The following COQ3 variants were observed in gnomAD, a reference collection of about 807,000 sequenced individuals.
COQ3 encodes the protein ubiquinone biosynthesis O-methyltransferase, mitochondrial.
Under a neutral mutation model 33.1 loss-of-function variants are expected in COQ3, and 29 were observed. The observed-to-expected ratio is 0.88, with a 90% confidence interval of 0.65 to 1.19. COQ3 has a LOEUF of 1.19. COQ3 is among the 50% of genes most tolerant of loss of function. The pLI, the probability that COQ3 is intolerant of heterozygous loss-of-function variation, is 0.00. For synonymous variants in COQ3, 173 were observed against 157.8 expected, an observed-to-expected ratio of 1.10 and a Z score of -0.72; for missense variants, 437 against 430.7, an observed-to-expected ratio of 1.01 and a Z score of -0.13.
chr6:99,385,678 G>C (rs1220392212), intron 1 of COQ3, among the ~76,000 whole-genome samples: 1 of 152,020 alleles, frequency 6.6e-6, no homozygotes. Flanking sequence ...TATTGAAAAG[G>C]AAGAAAGGGC....
chr6:99,390,395 G>A (rs192826342), intron 1 of COQ3, among the ~76,000 whole-genome samples: 13 of 148,104 alleles, frequency 8.8e-5, no homozygotes, highest in South Asian at 2.1e-4. Flanking sequence ...GTGCAGTGGC[G>A]AGATCTCAGC....
chr6:99,377,651 T>G (rs1774335998), intron 3 of COQ3, among the ~76,000 whole-genome samples, 166 bp from the exon 4 acceptor site: 1 of 152,202 alleles, frequency 6.6e-6, no homozygotes, highest in African/African-American at 2.4e-5. Context: ...TAAAACATTT[T>G]CAATAATCAA....
intron 1 of COQ3, among the ~76,000 whole-genome samples, chr6:99,388,105 G>C (rs112582377): frequency 6.6e-6 from 1 of 151,600 alleles, no homozygotes; most frequent in Admixed American, 6.6e-5. Context: ...CGGAGGTTGC[G>C]GTGAGCAGAG....
intron 2 of COQ3, among the ~76,000 whole-genome samples, chr6:99,382,130 T>C (rs1421643751): frequency 6.6e-6 from 1 of 152,174 alleles, no homozygotes; most frequent in Non-Finnish European, 1.5e-5. Flanking sequence ...ATTTTATTCT[T>C]AGTGACTAGT....
Position 99,375,803 on chromosome 6 carries a change from C to A in COQ3, c.729+137G>T. 3.6e-6 allele frequency: 3 copies of A among 831,660 alleles called. No individual in the cohort carries two copies. The South Asian group carries it at 5.2e-5, about 14-fold the overall frequency. 51.5% of individuals were successfully genotyped at this position (831,660 alleles called of 1,614,324 possible). A position where few individuals can be genotyped will look rare whatever the true frequency, so the allele number is the denominator to read the frequency against. On this transcript the variant is annotated intron_variant, in intron 5 of 6. Transcript: ENST00000254759. ...ATCTACAGCAGAGATGCTGTCCCCT[C>A]ATCCAGGCTTCCTGGTTTCTTCTCT...
At chr6:99,387,574 T>C (rs1774687063) in intron 1 of COQ3, among the ~76,000 whole-genome samples, 1 of 152,168 alleles carries the variant, frequency 6.6e-6, no homozygotes, top group African/African-American at 2.4e-5. Flanking sequence ...TTTGGCAAAC[T>C]AAGAATGAAA....
At chr6:99,393,938 C>G (rs1774899901) in intron 1 of COQ3, 136 bp downstream of exon 1, 1 of 693,722 alleles carries the variant, frequency 1.4e-6, no homozygotes, top group African/African-American at 1.8e-5. Context: ...GAGATGGGGC[C>G]AGGACCAAGC....
chr6:99,389,572 A>G (rs1015449503), intron 1 of COQ3, among the ~76,000 whole-genome samples: 6 of 152,122 alleles, frequency 3.9e-5, no homozygotes, highest in African/African-American at 1.2e-4. Context: ...TAAACAACCA[A>G]TCCTACTAGA....
chr6:99,386,188 G>A (rs746032801), intron 1 of COQ3, among the ~76,000 whole-genome samples: 3 of 151,942 alleles, frequency 2.0e-5, no homozygotes, highest in Admixed American at 6.6e-5. Context: ...CCAGAGCTTC[G>A]GGAGGCCAAG....
chr6:99,383,827 GAA>G lies in COQ3; in HGVS notation c.107-5_107-4del. Reference sequence around the variant, plus strand: ...ACTGAGCTGGTTCTTCACATAAACTGAAAAAAAAAATTAAATATCTAGAGAAA... The same window carrying G: ...ACTGAGCTGGTTCTTCACATAAACTGAAAAAAAATTAAATATCTAGAGAAA... On this transcript the variant is annotated splice_region_variant and splice_polypyrimidine_tract_variant and intron_variant, in intron 1 of 6. Transcript: ENST00000254759. 5 of 1,488,768 alleles carry G rather than the reference GAA, an allele frequency of 3.4e-6. No individual in the cohort carries two copies. The highest frequency in any genetic ancestry group is 4.5e-6 in the Non-Finnish European group (5 of 1,109,042). The allele number at this position is 1,488,768 out of a possible 1,614,324, so 92.2% of individuals were successfully genotyped here.
intron 5 of COQ3, among the ~76,000 whole-genome samples, chr6:99,373,897 C>G (rs1011738446): frequency 6.6e-6 from 1 of 152,062 alleles, no homozygotes; most frequent in African/African-American, 2.4e-5. Flanking sequence ...GTGGTCCCAG[C>G]TACTTGGGAG....
chr6:99,391,935 G>C (rs958284164), intron 1 of COQ3, among the ~76,000 whole-genome samples: 4 of 152,100 alleles, frequency 2.6e-5, no homozygotes, highest in African/African-American at 7.2e-5. Flanking sequence ...GGAGGCCAAG[G>C]CTGCCGTGAA....
chr6:99,379,067 A>G (rs1054898922), intron 3 of COQ3, among the ~76,000 whole-genome samples: 8 of 151,014 alleles, frequency 5.3e-5, no homozygotes, highest in African/African-American at 1.9e-4. Flanking sequence ...CACACCGTGC[A>G]GGTTTGTTAC....
intron 3 of COQ3, 136 bp downstream of exon 3, chr6:99,380,048 TGAAAA>T (rs1298324587): frequency 2.8e-6 from 2 of 717,446 alleles, no homozygotes; most frequent in Non-Finnish European, 4.4e-6. Context: ...CAGTGGTAAT[TGAAAA>T]GAATCTCCCT....
intron 3 of COQ3, among the ~76,000 whole-genome samples, chr6:99,379,161 G>T (rs4840036): frequency 2.6e-5 from 4 of 151,788 alleles, no homozygotes; most frequent in Non-Finnish European, 4.4e-5. Context: ...GCTATCCCTC[G>T]CCCCTCATAC....
chr6:99,394,132 T>A lies in COQ3; in HGVS notation c.48A>T (p.Arg16Ser). The A allele has an allele frequency of 6.2e-7, 1 of 1,609,868 alleles. No homozygotes were observed. Among genetic ancestry groups the A allele is most frequent in the Non-Finnish European group, 8.5e-7 (1 of 1,178,038 alleles). The change falls in exon 1 of 7, where the codon AGA becomes AGT. Residue 16 changes from arginine to serine, a missense_variant. Arg to Ser is a moderately radical substitution (Grantham distance 110). Transcript: ENST00000254759. ...KLGSSGGWFL[R>S]VLGPGGCNTK... ...TATTACAGCCTCCAGGCCCCAGCAC[T>A]CTTAAAAACCAACCCCCGGAGGAGC...
At chr6:99,387,770 T>C (rs1477849448) in intron 1 of COQ3, among the ~76,000 whole-genome samples, 3 of 152,176 alleles carry the variant, frequency 2.0e-5, no homozygotes, top group African/African-American at 4.8e-5. Context: ...ATAAAAGATA[T>C]ATAGAATGTT....
At chr6:99,390,738 G>A (rs1045595832) in intron 1 of COQ3, among the ~76,000 whole-genome samples, 2 of 151,662 alleles carry the variant, frequency 1.3e-5, no homozygotes, top group African/African-American at 2.4e-5. Context: ...TGTGTCACCC[G>A]GGCTGGACTG....
At position 99,388,858 on chromosome 6, in the gene COQ3, ATAAG is replaced by A. The variant is rs202235057; in HGVS notation, c.107-5038_107-5035del. Reference sequence around the variant, plus strand: ...AGCGAAACTCCATCTCAAAAACTAAATAAGTAAATAAATAAAACACTAATGTATA... The same window carrying A: ...AGCGAAACTCCATCTCAAAAACTAAATAAATAAATAAAACACTAATGTATA... On this transcript the variant is annotated intron_variant, in intron 1 of 6. Transcript: ENST00000254759. 7.2e-3 allele frequency among the ~76,000 whole-genome samples: 1,080 copies of A among 150,926 alleles called. 10 individuals are homozygous for A. The highest frequency in any genetic ancestry group is 0.025 in the African/African-American group (1,043 of 40,980).
Sources: allele counts gnomAD v4.1 joint callset (sites outside exome capture counted in the v4.1 genomes callset), GRCh38; gene constraint gnomAD v4.1.1; transcripts MANE v1.5; gene names NCBI Gene and HGNC (gene_info 2026-07-23, HGNC 2026-07-21).